Variants in FRMD4A observed in about 807,000 individuals in gnomAD.
The protein encoded by FRMD4A is FERM domain containing 4A.
Under a neutral mutation model 129.1 loss-of-function variants are expected in FRMD4A, and 29 were observed. The observed-to-expected ratio is 0.22, with a 90% CI of 0.17 to 0.31. The LOEUF is 0.31. Among genes scored for constraint, FRMD4A ranks in the 10% least tolerant of loss-of-function variants. The pLI, the probability that FRMD4A is intolerant of heterozygous loss-of-function variation, is 1.00. For missense variants in FRMD4A, 1,272 were observed against 1,375.8 expected (o/e 0.92, Z 1.19); for synonymous variants, 634 against 571.6 (o/e 1.11, Z -1.56).
chr10:14,066,709 A>T lies in FRMD4A; in HGVS notation c.46-207797T>A, dbSNP rs1194601016. On this transcript the variant is annotated intron_variant, in intron 2 of 24. Coordinates refer to ENST00000357447, the MANE Select transcript of FRMD4A (RefSeq NM_018027.5). ...AAAGCAGATTGAAAAGAGATGCAGG[A>T]TCGACAATGGCAATAAAAGTCATGA... Among the ~76,000 whole-genome samples, 3 of 152,184 alleles carry T rather than the reference A, an allele frequency of 2.0e-5. No individual in the cohort carries two copies. The East Asian group carries it at 5.8e-4, about 29-fold the overall frequency.
intron 2 of FRMD4A, among the ~76,000 whole-genome samples, chr10:13,974,385 C>T (rs902247956): frequency 2.0e-5 from 3 of 152,076 alleles, no homozygotes; most frequent in Non-Finnish European, 2.9e-5. Flanking sequence ...AGTCTGGAAT[C>T]GGAGCCTGGT....
At chr10:13,705,062 A>G (rs894030256) in intron 13 of FRMD4A, among the ~76,000 whole-genome samples, 17 of 152,226 alleles carry the variant, frequency 1.1e-4, no homozygotes, top group African/African-American at 4.1e-4. Context: ...CGACAGAATG[A>G]GACCGTGTCT....
intron 2 of FRMD4A, among the ~76,000 whole-genome samples, chr10:13,937,933 G>A (rs975984609): frequency 6.6e-6 from 1 of 152,046 alleles, no homozygotes; most frequent in African/African-American, 2.4e-5. Flanking sequence ...AGTTAAAGAA[G>A]GAAAATAAAC....
intron 2 of FRMD4A, among the ~76,000 whole-genome samples, chr10:14,282,030 G>GC (rs1198577564): frequency 1.3e-5 from 2 of 152,126 alleles, no homozygotes; most frequent in Non-Finnish European, 2.9e-5. Flanking sequence ...AAGGTAAAAA[G>GC]CACGTCTTAC....
intron 12 of FRMD4A, among the ~76,000 whole-genome samples, chr10:13,730,875 A>AAAAG (rs1350868078): frequency 6.8e-6 from 1 of 146,720 alleles, no homozygotes; most frequent in African/African-American, 2.6e-5. Context: ...AAAAAAAAAA[A>AAAAG]AAATTAGCCA....
intron 2 of FRMD4A, among the ~76,000 whole-genome samples, chr10:14,042,240 T>A (rs1833807334): frequency 6.6e-6 from 1 of 152,252 alleles, no homozygotes; most frequent in Admixed American, 6.5e-5. Flanking sequence ...CATAGCCTGT[T>A]CCTCTTCCTT....
intron 2 of FRMD4A, among the ~76,000 whole-genome samples, chr10:14,136,899 T>C (rs535316548): frequency 6.6e-6 from 1 of 152,350 alleles, no homozygotes; most frequent in Admixed American, 6.5e-5. Flanking sequence ...TCTCAAATAC[T>C]TTTGATTTCA....
chr10:14,072,752 A>T (rs949517199), intron 2 of FRMD4A, among the ~76,000 whole-genome samples: 3 of 152,228 alleles, frequency 2.0e-5, no homozygotes, highest in African/African-American at 4.8e-5. Context: ...TCCCACTGAG[A>T]TTCCATATCA....
At chr10:14,034,544 C>A (rs1034252536) in intron 2 of FRMD4A, among the ~76,000 whole-genome samples, 1 of 151,390 alleles carries the variant, frequency 6.6e-6, no homozygotes, top group Admixed American at 6.6e-5. Context: ...TTCCACAAGA[C>A]AACAGATAAA....
intron 2 of FRMD4A, among the ~76,000 whole-genome samples, chr10:13,902,705 TGGC>T (rs1262415883): frequency 1.3e-5 from 2 of 151,918 alleles, no homozygotes; most frequent in African/African-American, 4.8e-5. Flanking sequence ...CTGGGTGTGG[TGGC>T]ACACACTTGT....
At chr10:13,846,666 C>T (rs1052317239) in intron 3 of FRMD4A, among the ~76,000 whole-genome samples, 1 of 152,170 alleles carries the variant, frequency 6.6e-6, no homozygotes, top group Non-Finnish European at 1.5e-5. Flanking sequence ...TAGGGCCTGC[C>T]CAGAGAGTAG....
intron 11 of FRMD4A, 77 bp from the exon 12 acceptor site, chr10:13,738,007 CAGGGGCAGACG>C: frequency 1.2e-6 from 1 of 823,470 alleles, no homozygotes; most frequent in Non-Finnish European, 2.1e-6. Flanking sequence ...TTTCCTGGCT[CAGGGGCAGACG>C]AGGGAAAGGG....
At position 14,236,631 on chromosome 10, in the gene FRMD4A, G is replaced by C. The variant is rs145603004; in HGVS notation, c.45+93427C>G. On this transcript the variant is annotated intron_variant, in intron 2 of 24. Transcript: ENST00000357447. ...TCAGCTGGGTCTAGGTCAATGAGTC[G>C]GTGCCCCACTGCCTGAGGGCAAGAG... is the stretch of plus-strand genomic sequence containing the variant. Among the ~76,000 whole-genome samples the C allele has an allele frequency of 1.4e-4, 22 of 152,296 alleles. No individual in the cohort carries two copies. In the East Asian group the frequency reaches 3.9e-3, roughly 27 times the overall value.
At chr10:14,313,199 A>G (rs1422487892) in intron 2 of FRMD4A, among the ~76,000 whole-genome samples, 2 of 151,716 alleles carry the variant, frequency 1.3e-5, no homozygotes, top group South Asian at 2.1e-4. Context: ...CCAAAAAAAA[A>G]AAATTTTTTT....
At chr10:13,680,548 A>G (rs1226797416) in intron 15 of FRMD4A, among the ~76,000 whole-genome samples, 2 of 151,326 alleles carry the variant, frequency 1.3e-5, no homozygotes, top group Non-Finnish European at 2.9e-5. Flanking sequence ...AACATGGCGA[A>G]ACCCTGTCTT....
At chr10:14,021,615 C>G (rs1228129317) in intron 2 of FRMD4A, among the ~76,000 whole-genome samples, 3 of 151,904 alleles carry the variant, frequency 2.0e-5, no homozygotes, top group Admixed American at 6.6e-5. Context: ...GGGGAGGGTT[C>G]TGTTTCCCTC....
intron 3 of FRMD4A, among the ~76,000 whole-genome samples, chr10:13,849,400 G>A (rs991541432): frequency 3.3e-5 from 5 of 152,002 alleles, no homozygotes; most frequent in African/African-American, 7.2e-5. Flanking sequence ...GGGAAGACAC[G>A]GAATCAACTC....
intron 2 of FRMD4A, among the ~76,000 whole-genome samples, chr10:13,873,139 G>A (rs2094455317): frequency 6.7e-6 from 1 of 150,024 alleles, no homozygotes; most frequent in Admixed American, 6.7e-5. Flanking sequence ...TCACACCACT[G>A]CACTCCAGCA....
At chr10:14,140,131 G>A (rs182156859) in intron 2 of FRMD4A, among the ~76,000 whole-genome samples, 91 of 152,062 alleles carry the variant, frequency 6.0e-4, no homozygotes, top group Middle Eastern at 3.4e-3. Context: ...GCATGATCTC[G>A]GCTCACTGCA....
Sources: gnomAD v4.1 joint callset for allele counts (sites outside exome capture counted in the v4.1 genomes callset) on GRCh38, gnomAD v4.1.1 for gene constraint, MANE v1.5 for transcripts, NCBI Gene and HGNC (gene_info 2026-07-23, HGNC 2026-07-21) for gene names.